The following HHAT variants were observed in gnomAD, a reference collection of about 807,000 sequenced individuals.
The protein encoded by HHAT is hedgehog acyltransferase.
Under a neutral mutation model 70.8 loss-of-function variants are expected in HHAT, and 47 were observed. That is an observed-to-expected ratio of 0.66 (90% CI 0.53 to 0.85). The LOEUF is 0.85. Among genes scored for constraint, HHAT ranks in the 40% least tolerant of loss-of-function variants. HHAT has a pLI of 0.00. For missense variants in HHAT, 609 were observed against 604.8 expected, an observed-to-expected ratio of 1.01 and a Z score of -0.07; for synonymous variants, 228 against 247.6, an observed-to-expected ratio of 0.92 and a Z score of 0.74.
chr1:210,431,202 G>A (rs1357301598), intron 7 of HHAT, among the ~76,000 whole-genome samples: 1 of 151,790 alleles, frequency 6.6e-6, no homozygotes, highest in African/African-American at 2.4e-5. Flanking sequence ...TTGGGGTTTT[G>A]AGGGGACACA....
intron 10 of HHAT, among the ~76,000 whole-genome samples, chr1:210,618,992 C>G (rs534605531): frequency 2.2e-4 from 34 of 152,278 alleles, no homozygotes; most frequent in African/African-American, 7.2e-4. Flanking sequence ...CCAAGTGTTG[C>G]CATAGCTGAG....
chr1:210,425,370 CT>C (rs1311425855), intron 7 of HHAT, among the ~76,000 whole-genome samples: 2 of 152,072 alleles, frequency 1.3e-5, no homozygotes, highest in African/African-American at 4.8e-5. Flanking sequence ...GTCAATTTTG[CT>C]TTTGTTGCAA....
At chr1:210,397,471 A>G (rs763459750) in intron 4 of HHAT, among the ~76,000 whole-genome samples, 2 of 149,682 alleles carry the variant, frequency 1.3e-5, no homozygotes, top group Non-Finnish European at 2.9e-5. Context: ...GTCTGCTCTT[A>G]TTACCCTGAG....
chr1:210,670,848 T>TA (rs1679933520), intron 11 of HHAT, among the ~76,000 whole-genome samples: 1 of 152,150 alleles, frequency 6.6e-6, no homozygotes, highest in Non-Finnish European at 1.5e-5. Flanking sequence ...TGCATGCTTT[T>TA]AAAAAATTAC....
chr1:210,634,887 C>T (rs1273932974), intron 11 of HHAT, among the ~76,000 whole-genome samples: 1 of 152,150 alleles, frequency 6.6e-6, no homozygotes, highest in Non-Finnish European at 1.5e-5. Context: ...AGCATCTCAG[C>T]TTATCTGAGG....
intron 9 of HHAT, among the ~76,000 whole-genome samples, chr1:210,580,776 C>CA (rs371377912): frequency 0.11 from 17,481 of 152,052 alleles, 1,368 homozygotes; most frequent in South Asian, 0.2. Context: ...AATAGTGCTG[C>CA]AAAAAACATA....
chr1:210,674,646 C>T lies in HHAT; in HGVS notation c.*267C>T, dbSNP rs1680850564. The T allele has an allele frequency of 2.5e-6, 1 of 397,918 alleles. No individual in the cohort carries two copies. The highest frequency in any genetic ancestry group is 4.5e-6 in the Non-Finnish European group (1 of 222,418). 24.6% of individuals were successfully genotyped at this position (397,918 alleles called of 1,614,324 possible). On this transcript the variant is annotated 3_prime_UTR_variant, in exon 12 of 12. Coordinates refer to ENST00000261458, the MANE Select transcript of HHAT (RefSeq NM_018194.6). ...GGCAGTCGTGTGTCTTACCCAGCTA[C>T]ACAGGGTGACATTTTGGTCTAGAAC... is the stretch of plus-strand genomic sequence containing the variant.
At chr1:210,508,056 A>G (rs7515920) in intron 8 of HHAT, among the ~76,000 whole-genome samples, 66,360 of 151,304 alleles carry the variant, frequency 0.44, 14,629 homozygotes, top group East Asian at 0.58. Context: ...AAAATTAGCC[A>G]GGTATGGTGG....
intron 7 of HHAT, among the ~76,000 whole-genome samples, chr1:210,447,228 T>C (rs1412864837): frequency 2.0e-5 from 3 of 152,184 alleles, no homozygotes; most frequent in African/African-American, 4.8e-5. Context: ...GAACCTCATA[T>C]GGTGGTTGAG....
intron 3 of HHAT, among the ~76,000 whole-genome samples, chr1:210,369,266 G>GTGCCC (rs1261175197): frequency 2.6e-5 from 4 of 152,180 alleles, no homozygotes; most frequent in Non-Finnish European, 4.4e-5. Context: ...ATTTTCCCAT[G>GTGCCC]ACAGGTTTCT....
chr1:210,620,216 G>T (rs1668559097), intron 10 of HHAT, among the ~76,000 whole-genome samples: 1 of 152,218 alleles, frequency 6.6e-6, no homozygotes, highest in Non-Finnish European at 1.5e-5. Flanking sequence ...GATGTAGCTG[G>T]CTGGTCAAAG....
intron 6 of HHAT, among the ~76,000 whole-genome samples, chr1:210,409,797 G>C (rs1040560714): frequency 6.6e-6 from 1 of 152,206 alleles, no homozygotes; most frequent in Non-Finnish European, 1.5e-5. Flanking sequence ...TATGCAATTT[G>C]CATGAAATTA....
At chr1:210,639,179 C>A (rs754913497) in intron 11 of HHAT, among the ~76,000 whole-genome samples, 1 of 152,306 alleles carries the variant, frequency 6.6e-6, no homozygotes, top group Non-Finnish European at 1.5e-5. Flanking sequence ...TTCCTTCCTT[C>A]AACCCATTCA....
At chr1:210,390,134 T>G (rs2091358005) in intron 4 of HHAT, among the ~76,000 whole-genome samples, 1 of 151,910 alleles carries the variant, frequency 6.6e-6, no homozygotes, top group Admixed American at 6.6e-5. Context: ...AAGTGGATTC[T>G]CAAAAAAGAT....
At chr1:210,568,579 G>A (rs892709424) in intron 9 of HHAT, among the ~76,000 whole-genome samples, 2 of 152,198 alleles carry the variant, frequency 1.3e-5, no homozygotes, top group African/African-American at 2.4e-5. Context: ...CCTCTATGGG[G>A]TGGGAACATA....
intron 8 of HHAT, among the ~76,000 whole-genome samples, chr1:210,511,895 T>G (rs1308959223): frequency 1.4e-5 from 2 of 148,108 alleles, no homozygotes; most frequent in South Asian, 2.2e-4. Flanking sequence ...GTTCACGCCA[T>G]TCTCCTGCTT....
intron 7 of HHAT, among the ~76,000 whole-genome samples, chr1:210,460,173 T>A (rs1340277145): frequency 6.6e-6 from 1 of 152,172 alleles, no homozygotes; most frequent in Non-Finnish European, 1.5e-5. Context: ...ACCTTTGGAA[T>A]TAGGACAGCA....
chr1:210,347,862 A>G (rs2086657863), intron 1 of HHAT, among the ~76,000 whole-genome samples: 1 of 152,192 alleles, frequency 6.6e-6, no homozygotes, highest in Non-Finnish European at 1.5e-5. Context: ...AAGGGAGGGA[A>G]AGAAAGAGAT....
At chr1:210,472,117 T>C (rs1464320292) in intron 8 of HHAT, among the ~76,000 whole-genome samples, 1 of 152,204 alleles carries the variant, frequency 6.6e-6, no homozygotes, top group Admixed American at 6.5e-5. Flanking sequence ...ACTTGAGCTA[T>C]TACAGCTTTG....
Sources: gnomAD v4.1 joint callset for allele counts (sites outside exome capture counted in the v4.1 genomes callset) on GRCh38, gnomAD v4.1.1 for gene constraint, MANE v1.5 for transcripts, NCBI Gene and HGNC (gene_info 2026-07-23, HGNC 2026-07-21) for gene names.